PKD1L3: variants seen among roughly 807,000 people sequenced by gnomAD.
PKD1L3 encodes the protein polycystin-1-like protein 3.
PKD1L3 carries 239 observed loss-of-function variants against 184.1 expected under a neutral mutation model. The observed-to-expected ratio is 1.30, with a 90% CI of 1.17 to 1.45. PKD1L3 has a LOEUF of 1.45. PKD1L3 is among the 40% of genes most tolerant of loss of function. PKD1L3 has a pLI of 0.00. For missense variants in PKD1L3, 2,660 were observed against 2,067.2 expected (o/e 1.29, Z -5.56); for synonymous variants, 996 against 778.8 (o/e 1.28, Z -4.64).
chr16:71,935,614 A>T, intron 25 of PKD1L3, 96 bp from the exon 26 acceptor site: 1 of 1,148,498 alleles, frequency 8.7e-7, no homozygotes, highest in Non-Finnish European at 1.2e-6. Flanking sequence ...GTCTGTGGGC[A>T]AAGCACACTG....
chr16:71,931,459 CCCA>C (rs1567483353), intron 28 of PKD1L3, among the ~76,000 whole-genome samples: 1 of 150,270 alleles, frequency 6.7e-6, no homozygotes, highest in African/African-American at 2.5e-5. Flanking sequence ...TGTCTTCTCC[CCCA>C]CTTTTTTTTT....
intron 12 of PKD1L3, among the ~76,000 whole-genome samples, chr16:71,972,205 G>A (rs1300491475): frequency 6.6e-6 from 1 of 151,266 alleles, no homozygotes; most frequent in Non-Finnish European, 1.5e-5. Flanking sequence ...GATAGAGCAA[G>A]ACTGGTCTCA....
chr16:71,974,904 CTG>C (rs1199172777), intron 11 of PKD1L3, among the ~76,000 whole-genome samples: 5 of 136,958 alleles, frequency 3.7e-5, no homozygotes, highest in South Asian at 2.6e-4. Flanking sequence ...TGACGGGAGA[CTG>C]TAGCATGCTT....
intron 13 of PKD1L3, among the ~76,000 whole-genome samples, chr16:71,968,578 A>C (rs564125003): frequency 3.3e-4 from 50 of 152,172 alleles, no homozygotes; most frequent in African/African-American, 1.2e-3. Flanking sequence ...ATGCCATATA[A>C]ATTTCTTGTA....
rs1555523481 is a variant in PKD1L3 at position 71,977,560 on chromosome 16, C to CTTTTTTTTTTTTTTTTTTTTTTTTTT, written c.1528-94_1528-93insAAAAAAAAAAAAAAAAAAAAAAAAAA. 4.0e-6 allele frequency: 2 copies of CTTTTTTTTTTTTTTTTTTTTTTTTTT among 500,298 alleles called. 1 individual carries two copies. Among genetic ancestry groups the CTTTTTTTTTTTTTTTTTTTTTTTTTT allele is most frequent in the Non-Finnish European group, 6.1e-6 (2 of 326,592 alleles). The allele number at this position is 500,298 out of a possible 1,614,324, so 31.0% of individuals were successfully genotyped here. On this transcript the variant is annotated intron_variant, in intron 10 of 29. Coordinates refer to ENST00000620267, the MANE Select transcript of PKD1L3 (RefSeq NM_181536.2). Reference sequence around the variant, plus strand: ...GATAAGGTAAGGAAACGTCCTAGCTCTTTTTTTTTTTTTTTTTTTTGAGAT... The same window carrying CTTTTTTTTTTTTTTTTTTTTTTTTTT: ...GATAAGGTAAGGAAACGTCCTAGCTCTTTTTTTTTTTTTTTTTTTTTTTTTTTTTTTTTTTTTTTTTTTTTTGAGAT...
At position 71,967,902 on chromosome 16, in the gene PKD1L3, T is replaced by G; in HGVS notation, c.2286+4A>C. 1 of 1,545,870 alleles carries G rather than the reference T, an allele frequency of 6.5e-7. No individual in the cohort carries two copies. The highest frequency in any genetic ancestry group is 8.8e-7 in the Non-Finnish European group (1 of 1,142,526). On this transcript the variant is annotated splice_donor_region_variant and intron_variant, in intron 14 of 29. Coordinates refer to ENST00000620267, the MANE Select transcript of PKD1L3 (RefSeq NM_181536.2). ...GCAATGTGAAAAACATTTATTTCAT[T>G]AACCTTAGCTGTTGTAGCAGCGCTT... is the stretch of plus-strand genomic sequence containing the variant.
rs1254195865 is a variant in PKD1L3 at position 71,954,299 on chromosome 16, T to G, written c.2615A>C (p.His872Pro). The G allele has an allele frequency of 6.5e-7, 1 of 1,529,374 alleles. No individual in the cohort carries two copies. The highest frequency in any genetic ancestry group is 1.4e-5 in the African/African-American group (1 of 72,166). 94.7% of individuals were successfully genotyped at this position (1,529,374 alleles called of 1,614,324 possible). Residue 872 changes from histidine to proline, a missense_variant and splice_region_variant, in exon 17 of 30, where the codon CAT becomes CCT. Transcript: ENST00000620267. ...VSKRELFSFR[H>P]LFSSMIVEKF... ...TTCCACAATCATGGAGGAAAACAGA[T>G]GTCTGAAAAGAGAAATCAGAAGAGG...
chr16:71,929,748 T>G, intron 29 of PKD1L3, 70 bp from the exon 30 acceptor site: 1 of 1,362,144 alleles, frequency 7.3e-7, no homozygotes, highest in Non-Finnish European at 9.9e-7. Context: ...GTAAAAAAAG[T>G]ACCAAAGATT....
intron 9 of PKD1L3, among the ~76,000 whole-genome samples, 153 bp from the exon 10 acceptor site, chr16:71,978,536 TAC>T (rs2040023271): frequency 3.9e-5 from 4 of 103,814 alleles, no homozygotes; most frequent in African/African-American, 1.4e-4. Flanking sequence ...CATACATACA[TAC>T]ATACTTTTTT....
At chr16:71,987,753 C>A (rs930245419) in intron 4 of PKD1L3, among the ~76,000 whole-genome samples, 1 of 152,148 alleles carries the variant, frequency 6.6e-6, no homozygotes, top group Non-Finnish European at 1.5e-5. Flanking sequence ...ATCCTCCTGC[C>A]TCGGAGTCCC....
intron 23 of PKD1L3, 95 bp downstream of exon 23, chr16:71,943,935 T>C (rs1641562837): frequency 7.2e-7 from 1 of 1,380,190 alleles, no homozygotes; most frequent in Admixed American, 2.7e-5. Context: ...AGACAGCTTT[T>C]TAACCCTTCT....
intron 22 of PKD1L3, among the ~76,000 whole-genome samples, chr16:71,947,193 G>A (rs2143309408): frequency 6.6e-6 from 1 of 152,246 alleles, no homozygotes; most frequent in South Asian, 2.1e-4. Flanking sequence ...GGAGGTGGAG[G>A]TTGTAGTGAG....
At chr16:71,967,526 G>A (rs2039547985) in intron 14 of PKD1L3, among the ~76,000 whole-genome samples, 1 of 152,110 alleles carries the variant, frequency 6.6e-6, no homozygotes, top group African/African-American at 2.4e-5. Flanking sequence ...GTGCAGTGGT[G>A]TGATCTTGGC....
intron 28 of PKD1L3, among the ~76,000 whole-genome samples, chr16:71,931,755 G>A (rs2037979911): frequency 6.6e-6 from 1 of 152,094 alleles, no homozygotes; most frequent in African/African-American, 2.4e-5. Context: ...GTGAGCTACT[G>A]TGCCCGGCTC....
chr16:71,979,552 C>G (rs1217191975), intron 9 of PKD1L3, among the ~76,000 whole-genome samples: 1 of 152,182 alleles, frequency 6.6e-6, no homozygotes, highest in East Asian at 1.9e-4. Context: ...ATTCAAATTA[C>G]AACACAAATT....
At chr16:71,942,438 A>G (rs2038392787) in intron 24 of PKD1L3, 122 bp downstream of exon 24, 3 of 801,602 alleles carry the variant, frequency 3.7e-6, no homozygotes, top group Non-Finnish European at 5.8e-6. Context: ...GTCTCCAACA[A>G]ATTTACCTCT....
chr16:71,940,207 C>T (rs1204698318), intron 24 of PKD1L3, among the ~76,000 whole-genome samples: 1 of 152,094 alleles, frequency 6.6e-6, no homozygotes, highest in East Asian at 1.9e-4. Flanking sequence ...CTTCTACCAC[C>T]CCATGACTAA....
At chr16:71,979,935 A>T (rs1456378282) in intron 8 of PKD1L3, 23 bp from the exon 9 acceptor site, 25 of 1,550,418 alleles carry the variant, frequency 1.6e-5, no homozygotes, top group Non-Finnish European at 2.1e-5. Flanking sequence ...GTTAAAATGG[A>T]AGTCAATTTT....
intron 6 of PKD1L3, among the ~76,000 whole-genome samples, chr16:71,983,192 G>C (rs369940207): frequency 1.2e-4 from 18 of 152,000 alleles, no homozygotes; most frequent in African/African-American, 4.1e-4. Context: ...TGTCACCCAG[G>C]CTGGAGTGCA....
Sources: allele counts gnomAD v4.1 joint callset (sites outside exome capture counted in the v4.1 genomes callset), GRCh38; gene constraint gnomAD v4.1.1; transcripts MANE v1.5; gene names NCBI Gene and HGNC (gene_info 2026-07-23, HGNC 2026-07-21).